CREB5: variants seen among roughly 807,000 people sequenced by gnomAD.
CREB5 encodes cAMP responsive element binding protein 5, also known as cyclic AMP-responsive element-binding protein 5.
In CREB5, 19 loss-of-function variants were observed where a neutral mutation model predicts 57.1. The ratio of observed to expected loss-of-function variants is 0.33; its 90% confidence interval spans 0.23 to 0.49. CREB5 has a LOEUF of 0.49. CREB5 is among the 20% of genes least tolerant of loss of function. The pLI is 0.99. For synonymous variants in CREB5, 238 were observed against 238.3 expected, an observed-to-expected ratio of 1.00 and a Z score of 0.01; for missense variants, 579 against 671.6, an observed-to-expected ratio of 0.86 and a Z score of 1.52.
At chr7:28,695,374 C>CTG (rs1801496895) in intron 5 of CREB5, among the ~76,000 whole-genome samples, 2 of 152,200 alleles carry the variant, frequency 1.3e-5, no homozygotes, top group South Asian at 4.1e-4. Flanking sequence ...GCCAGGAATT[C>CTG]TGTCATATTG....
chr7:28,583,133 G>A, intron 5 of CREB5, among the ~76,000 whole-genome samples: 1 of 152,218 alleles, frequency 6.6e-6, no homozygotes, highest in South Asian at 2.1e-4. Flanking sequence ...CTTCACATAT[G>A]TGAACTTAGT....
chr7:28,688,427 T>C (rs1233163876), intron 5 of CREB5, among the ~76,000 whole-genome samples: 1 of 152,228 alleles, frequency 6.6e-6, no homozygotes, highest in Non-Finnish European at 1.5e-5. Context: ...GTATTTTCAA[T>C]GAATTTATTC....
intron 5 of CREB5, among the ~76,000 whole-genome samples, chr7:28,597,096 C>T (rs1299957382): frequency 6.6e-6 from 1 of 152,142 alleles, no homozygotes; most frequent in African/African-American, 2.4e-5. Flanking sequence ...ATTACTAGTC[C>T]TGTTATATAT....
intron 5 of CREB5, among the ~76,000 whole-genome samples, chr7:28,633,491 T>C (rs554596562): frequency 6.6e-6 from 1 of 152,302 alleles, no homozygotes; most frequent in African/African-American, 2.4e-5. Flanking sequence ...TATATCTCAT[T>C]CAGAGAAAAA....
chr7:28,355,732 A>C (rs2127991278), intron 1 of CREB5, among the ~76,000 whole-genome samples: 1 of 152,324 alleles, frequency 6.6e-6, no homozygotes, highest in African/African-American at 2.4e-5. Flanking sequence ...GATAAAGCTA[A>C]TCCGAATCGA....
At chr7:28,486,669 T>TA (rs1208992884) in intron 1 of CREB5, among the ~76,000 whole-genome samples, 3 of 84,418 alleles carry the variant, frequency 3.6e-5, no homozygotes, top group Non-Finnish European at 6.7e-5. Flanking sequence ...CTCCTATGAT[T>TA]TTATATATAT....
chr7:28,331,848 CAAAAAAA>C (rs145837781), intron 1 of CREB5, among the ~76,000 whole-genome samples: 1 of 75,592 alleles, frequency 1.3e-5, no homozygotes, highest in African/African-American at 5.4e-5. Context: ...AACTCCATCT[CAAAAAAA>C]AAAAAAAAAA....
intron 7 of CREB5, among the ~76,000 whole-genome samples, chr7:28,728,487 T>C (rs1386071040): frequency 6.6e-6 from 1 of 152,220 alleles, no homozygotes; most frequent in Admixed American, 6.5e-5. Context: ...ATGGCAAGGA[T>C]AGTTTATACC....
Position 28,418,130 on chromosome 7 carries a change from T to C in CREB5, c.3+5213T>C, listed in dbSNP as rs541319544. Among the ~76,000 whole-genome samples, 257 of 152,280 alleles carry C rather than the reference T, an allele frequency of 1.7e-3. 1 individual carries two copies. Among genetic ancestry groups the C allele is most frequent in the African/African-American group, 5.8e-3 (242 of 41,562 alleles). ...TTGAGACATCTGGATCCCCCAGAAT[T>C]TTCTTCCTTCCAAGCTTTTAACAAA... On this transcript the variant is annotated intron_variant, in intron 1 of 10. Coordinates refer to ENST00000357727, the MANE Select transcript of CREB5 (RefSeq NM_182898.4).
rs1017696629 is a variant in CREB5, at chr7:28,551,090, A to G, written c.292-19275A>G. Among the ~76,000 whole-genome samples, 8 of 152,300 alleles carry G rather than the reference A, an allele frequency of 5.3e-5. No individual in the cohort carries two copies. The East Asian group carries it at 1.5e-3, about 29-fold the overall frequency. On this transcript the variant is annotated intron_variant, in intron 4 of 10. Transcript: ENST00000357727. Reference sequence around the variant, plus strand: ...TTCCATTTCCACAGAAAAAGGGGCAAGTGAAGTTGATGATTACCAGTGCCA... The same window carrying G: ...TTCCATTTCCACAGAAAAAGGGGCAGGTGAAGTTGATGATTACCAGTGCCA...
intron 5 of CREB5, among the ~76,000 whole-genome samples, chr7:28,609,518 C>G (rs1016515454): frequency 6.6e-6 from 1 of 152,184 alleles, no homozygotes; most frequent in Non-Finnish European, 1.5e-5. Context: ...ATAGAACAAT[C>G]CTCTTGCATG....
At chr7:28,748,529 G>GA (rs747185609) in intron 7 of CREB5, among the ~76,000 whole-genome samples, 180 of 152,308 alleles carry the variant, frequency 1.2e-3, no homozygotes, top group African/African-American at 3.7e-3. Flanking sequence ...TCAGTGGTAT[G>GA]AAAAAAGAAG....
At chr7:28,663,534 G>A (rs1799694482) in intron 5 of CREB5, among the ~76,000 whole-genome samples, 1 of 152,116 alleles carries the variant, frequency 6.6e-6, no homozygotes, top group Non-Finnish European at 1.5e-5. Context: ...GAAGGCTGAA[G>A]GATCCTTTAA....
intron 7 of CREB5, among the ~76,000 whole-genome samples, chr7:28,737,896 A>G (rs928699019): frequency 6.6e-6 from 1 of 152,116 alleles, no homozygotes; most frequent in Non-Finnish European, 1.5e-5. Context: ...GAAAAAGTAA[A>G]TATGACTTTT....
At chr7:28,531,200 C>A (rs561309736) in intron 4 of CREB5, among the ~76,000 whole-genome samples, 2 of 151,932 alleles carry the variant, frequency 1.3e-5, no homozygotes, top group Admixed American at 6.6e-5. Context: ...TCTTAATTCC[C>A]CATGGCTTCG....
intron 7 of CREB5, among the ~76,000 whole-genome samples, chr7:28,796,454 C>A (rs945093065): frequency 2.0e-5 from 3 of 152,156 alleles, no homozygotes; most frequent in Non-Finnish European, 4.4e-5. Flanking sequence ...ACCCACTCCT[C>A]CCTCATCCAC....
chr7:28,398,210 T>C (rs1185296025), intron 1 of CREB5, among the ~76,000 whole-genome samples: 1 of 152,170 alleles, frequency 6.6e-6, no homozygotes, highest in Non-Finnish European at 1.5e-5. Context: ...CATTTTCTCC[T>C]TCATTGTGTA....
chr7:28,596,141 A>G (rs1910554), intron 5 of CREB5, among the ~76,000 whole-genome samples: 29,189 of 152,064 alleles, frequency 0.19, 3,420 homozygotes, highest in East Asian at 0.38. Flanking sequence ...TGCAATTTTT[A>G]TGAGATTTTG....
chr7:28,414,485 T>C (rs1026067163), intron 1 of CREB5, among the ~76,000 whole-genome samples: 3 of 152,102 alleles, frequency 2.0e-5, no homozygotes, highest in Admixed American at 1.3e-4. Flanking sequence ...GGTAATAAAC[T>C]GGGGGGCAAT....
Sources: allele counts gnomAD v4.1 joint callset (sites outside exome capture counted in the v4.1 genomes callset), GRCh38; gene constraint gnomAD v4.1.1; transcripts MANE v1.5; gene names NCBI Gene and HGNC (gene_info 2026-07-23, HGNC 2026-07-21).